Variants in SMCO4 observed in about 807,000 individuals in gnomAD.
The protein encoded by SMCO4 is single-pass membrane and coiled-coil domain-containing protein 4.
A neutral mutation model predicts 3.6 loss-of-function variants in SMCO4; 4 were observed. That is an observed-to-expected ratio of 1.11 (90% confidence interval 0.54 to 2.53). The LOEUF is 2.53. Among genes scored for constraint, SMCO4 ranks in the 30% most tolerant of loss-of-function variants. The probability of loss-of-function intolerance (pLI) is 0.02; values close to 1 mark genes in which losing one functional copy is unlikely to be tolerated. For synonymous variants in SMCO4, 36 were observed against 35.3 expected, an observed-to-expected ratio of 1.02 and a Z score of -0.07; for missense variants, 70 against 80.8, an observed-to-expected ratio of 0.87 and a Z score of 0.51.
chr11:93,509,251 G>A (rs1434991298), intron 1 of SMCO4, among the ~76,000 whole-genome samples: 1 of 151,310 alleles, frequency 6.6e-6, no homozygotes, highest in East Asian at 1.9e-4. Context: ...TGATTGCACT[G>A]CTGTACTTTA....
intron 1 of SMCO4, among the ~76,000 whole-genome samples, chr11:93,541,460 G>C (rs1195481669): frequency 6.6e-6 from 1 of 152,154 alleles, no homozygotes; most frequent in Admixed American, 6.5e-5. Context: ...AAGGACCCCA[G>C]CATCAGTCAG....
rs115604265 is a variant in SMCO4 at position 93,507,013 on chromosome 11, T to C, written c.-153-7665A>G. 3.1e-3 allele frequency among the ~76,000 whole-genome samples: 475 copies of C among 152,324 alleles called. 1 individual carries two copies. The highest frequency in any genetic ancestry group is 0.01 in the African/African-American group (433 of 41,570). On this transcript the variant is annotated intron_variant, in intron 1 of 2. Transcript: ENST00000298966. Reference sequence around the variant, plus strand: ...ATGATTACTCAGATTTGGGTATTTATAGACACTTTGTCAAAAATAAATACA... The same window carrying C: ...ATGATTACTCAGATTTGGGTATTTACAGACACTTTGTCAAAAATAAATACA...
chr11:93,552,177 GAC>G, the SMCO4 span, among the ~76,000 whole-genome samples: 8 of 102,240 alleles, frequency 7.8e-5, no homozygotes, highest in Non-Finnish European at 1.2e-4. Context: ...TTTTTTTTGA[GAC>G]ACAGTTTCAC....
chr11:93,529,716 A>G (rs1376217471), intron 1 of SMCO4, among the ~76,000 whole-genome samples: 1 of 152,238 alleles, frequency 6.6e-6, no homozygotes, highest in Non-Finnish European at 1.5e-5. Flanking sequence ...AGGAATCTGA[A>G]GTAGTGATTC....
At chr11:93,513,587 C>T (rs1053787772) in intron 1 of SMCO4, among the ~76,000 whole-genome samples, 1 of 152,138 alleles carries the variant, frequency 6.6e-6, no homozygotes, top group African/African-American at 2.4e-5. Flanking sequence ...ATCAAAGATG[C>T]TCTCAAGCCT....
intron 2 of SMCO4, among the ~76,000 whole-genome samples, chr11:93,486,391 G>A (rs187800139): frequency 2.0e-5 from 3 of 152,260 alleles, no homozygotes; most frequent in South Asian, 2.1e-4. Context: ...CCTGGTTCCC[G>A]CTCATCAGCT....
chr11:93,500,430 C>T (rs1948824386), intron 1 of SMCO4, among the ~76,000 whole-genome samples: 2 of 152,144 alleles, frequency 1.3e-5, no homozygotes, highest in South Asian at 4.1e-4. Flanking sequence ...TCTATCCTCG[C>T]CATATTTTTC....
rs762119575 is a variant in SMCO4 at position 93,478,750 on chromosome 11, CACAT to C, written c.*256_*259del. On this transcript the variant is annotated 3_prime_UTR_variant, in exon 3 of 3. Coordinates refer to ENST00000298966, the MANE Select transcript of SMCO4 (RefSeq NM_020179.3). ...ACACACACACACACACACACACACA[CACAT>C]GCGCGCGCGCTTTGAAGTCTGAAAG... 2.1e-5 allele frequency: 17 copies of C among 817,320 alleles called. No homozygotes were observed. The highest frequency in any genetic ancestry group is 7.2e-5 in the African/African-American group (4 of 55,862). The allele number at this position is 817,320 out of a possible 1,614,324, so 50.6% of individuals were successfully genotyped here.
At chr11:93,488,628 G>T (rs1463059509) in intron 2 of SMCO4, among the ~76,000 whole-genome samples, 1 of 152,172 alleles carries the variant, frequency 6.6e-6, no homozygotes, top group Non-Finnish European at 1.5e-5. Context: ...GAGGTGGGAA[G>T]TTGCAAGGGG....
upstream of SMCO4, among the ~76,000 whole-genome samples, chr11:93,546,785 C>T (rs189994583): frequency 1.5e-4 from 22 of 151,306 alleles, no homozygotes; most frequent in African/African-American, 3.1e-4. Context: ...AAAATCTAAA[C>T]GATTATACAT....
At chr11:93,541,469 A>G (rs568523431) in intron 1 of SMCO4, among the ~76,000 whole-genome samples, 1 of 152,350 alleles carries the variant, frequency 6.6e-6, no homozygotes, top group African/African-American at 2.4e-5. Context: ...AGCATCAGTC[A>G]GACAGAAGGA....
chr11:93,543,000 C>T (rs1949283726), intron 1 of SMCO4, among the ~76,000 whole-genome samples: 1 of 151,902 alleles, frequency 6.6e-6, no homozygotes, highest in Admixed American at 6.6e-5. Context: ...TTCCCAGCCC[C>T]CGCCCCGCAG....
intron 1 of SMCO4, among the ~76,000 whole-genome samples, chr11:93,514,503 A>C (rs1004791217): frequency 2.0e-4 from 29 of 148,490 alleles, no homozygotes; most frequent in Non-Finnish European, 1.0e-4. Flanking sequence ...CATCAGCTCT[A>C]CACCTCCAAG....
intron 2 of SMCO4, among the ~76,000 whole-genome samples, chr11:93,480,515 T>C (rs2134564645): frequency 6.6e-6 from 1 of 152,306 alleles, no homozygotes; most frequent in East Asian, 1.9e-4. Context: ...GAAGAGTACT[T>C]TTCAAACACA....
rs1233769962 is a variant in SMCO4, at chr11:93,478,742, CACACACACACAT to C, written c.*256_*267del. On this transcript the variant is annotated 3_prime_UTR_variant, in exon 3 of 3. Transcript: ENST00000298966. ...ACACACACACACACACACACACACA[CACACACACACAT>C]GCGCGCGCGCTTTGAAGTCTGAAAG... 8 of 757,386 alleles carry C rather than the reference CACACACACACAT, an allele frequency of 1.1e-5. No individual in the cohort carries two copies. Among genetic ancestry groups the C allele is most frequent in the Middle Eastern group, 4.6e-4 (1 of 2,170 alleles). The allele number at this position is 757,386 out of a possible 1,614,324, so 46.9% of individuals were successfully genotyped here. A position where few individuals can be genotyped will look rare whatever the true frequency, so the allele number is the denominator to read the frequency against.
chr11:93,479,586 T>C, intron 2 of SMCO4, among the ~76,000 whole-genome samples: 1 of 152,160 alleles, frequency 6.6e-6, no homozygotes, highest in South Asian at 2.1e-4. Context: ...CCGCCTCCAC[T>C]CAGAGGAGCG....
At chr11:93,486,484 T>C (rs895635552) in intron 2 of SMCO4, among the ~76,000 whole-genome samples, 3 of 152,176 alleles carry the variant, frequency 2.0e-5, no homozygotes, top group Non-Finnish European at 2.9e-5. Context: ...GTAAAGTCTG[T>C]TGCTTACAAT....
At chr11:93,497,990 G>T (rs968210187) in intron 2 of SMCO4, among the ~76,000 whole-genome samples, 4 of 152,066 alleles carry the variant, frequency 2.6e-5, no homozygotes, top group African/African-American at 9.7e-5. Flanking sequence ...TGAAAGAAGA[G>T]GTTGAAAAGT....
At chr11:93,532,560 AG>A (rs1377210061) in intron 1 of SMCO4, among the ~76,000 whole-genome samples, 4 of 152,184 alleles carry the variant, frequency 2.6e-5, no homozygotes, top group Non-Finnish European at 5.9e-5. Flanking sequence ...AAGTCATGTG[AG>A]CCAATTCCCC....
Sources: allele counts gnomAD v4.1 joint callset (sites outside exome capture counted in the v4.1 genomes callset), GRCh38; gene constraint gnomAD v4.1.1; transcripts MANE v1.5; gene names NCBI Gene and HGNC (gene_info 2026-07-23, HGNC 2026-07-21).